The following QTMAN variants were observed in gnomAD, a reference collection of about 807,000 sequenced individuals.
QTMAN encodes queuosine-tRNA mannosyltransferase, also known as tRNA-queuosine alpha-mannosyltransferase.
chr2:144,040,517 C>T, the QTMAN span, among the ~76,000 whole-genome samples: 8 of 152,050 alleles, frequency 5.3e-5, no homozygotes, highest in South Asian at 4.1e-4. Context: ...ACTGTGCACA[C>T]GAAAGGGATC....
the QTMAN span, among the ~76,000 whole-genome samples, chr2:144,189,424 T>C: frequency 6.6e-6 from 1 of 152,188 alleles, no homozygotes; most frequent in Non-Finnish European, 1.5e-5. Context: ...ATCTGTAAGA[T>C]GGAAGAATAA....
At chr2:144,040,263 C>T in the QTMAN span, among the ~76,000 whole-genome samples, 12 of 152,084 alleles carry the variant, frequency 7.9e-5, no homozygotes, top group Non-Finnish European at 2.9e-5. Context: ...ATCTCTACCA[C>T]GCTTAGCATA....
the QTMAN span, among the ~76,000 whole-genome samples, chr2:144,057,421 C>T: frequency 6.6e-6 from 1 of 152,194 alleles, no homozygotes; most frequent in East Asian, 1.9e-4. Flanking sequence ...AAGGTGAAGA[C>T]ATGCAATTCT....
chr2:144,290,103 CTTTTA>C, the QTMAN span, among the ~76,000 whole-genome samples: 1 of 151,888 alleles, frequency 6.6e-6, no homozygotes, highest in Non-Finnish European at 1.5e-5. Flanking sequence ...CTTCCGTTTT[CTTTTA>C]TGTTACTTTT....
chr2:143,969,677 CT>C, the QTMAN span, among the ~76,000 whole-genome samples: 1 of 152,166 alleles, frequency 6.6e-6, no homozygotes, highest in Non-Finnish European at 1.5e-5. Context: ...GAAAATGCCC[CT>C]GAGCTGAGAT....
chr2:144,134,954 C>T, the QTMAN span, among the ~76,000 whole-genome samples: 29 of 152,016 alleles, frequency 1.9e-4, no homozygotes, highest in African/African-American at 6.5e-4. Context: ...AGAAAGCAGA[C>T]AATTGATAAA....
the QTMAN span, among the ~76,000 whole-genome samples, chr2:144,268,839 G>C: frequency 6.6e-6 from 1 of 151,898 alleles, no homozygotes; most frequent in African/African-American, 2.4e-5. Flanking sequence ...ACCCAGGCTG[G>C]AGTGCAATGG....
At chr2:144,286,944 C>A in the QTMAN span, among the ~76,000 whole-genome samples, 363 of 152,292 alleles carry the variant, frequency 2.4e-3, 11 homozygotes, top group East Asian at 0.064. Context: ...GTGACAAATT[C>A]TCCTTTTTCA....
chr2:144,292,920 C>T, the QTMAN span, among the ~76,000 whole-genome samples: 1 of 152,078 alleles, frequency 6.6e-6, no homozygotes, highest in Non-Finnish European at 1.5e-5. Flanking sequence ...TTCAGAAACA[C>T]TCAAACATAA....
At chr2:144,119,989 T>C in the QTMAN span, among the ~76,000 whole-genome samples, 1 of 152,216 alleles carries the variant, frequency 6.6e-6, no homozygotes, top group East Asian at 1.9e-4. Flanking sequence ...GTGACAAAGT[T>C]ACTGTTATTA....
the QTMAN span, among the ~76,000 whole-genome samples, chr2:143,965,958 T>C: frequency 6.6e-6 from 1 of 152,238 alleles, no homozygotes; most frequent in African/African-American, 2.4e-5. Flanking sequence ...AATGAAATAG[T>C]TGTCCCTTAT....
the QTMAN span, among the ~76,000 whole-genome samples, chr2:144,126,303 C>T: frequency 6.0e-5 from 9 of 151,260 alleles, no homozygotes; most frequent in Admixed American, 5.9e-4. Flanking sequence ...AAAACAATAA[C>T]AACAAGAAAC....
chr2:144,219,899 C>G, the QTMAN span, among the ~76,000 whole-genome samples: 1 of 152,174 alleles, frequency 6.6e-6, no homozygotes, highest in Non-Finnish European at 1.5e-5. Flanking sequence ...CTCCAACATT[C>G]TACATGAATA....
chr2:144,259,116 T>A, the QTMAN span, among the ~76,000 whole-genome samples: 1 of 152,134 alleles, frequency 6.6e-6, no homozygotes. Flanking sequence ...TTTCCAATAG[T>A]CTCTGAATGT....
chr2:144,282,183 T>C, the QTMAN span, among the ~76,000 whole-genome samples: 1 of 152,160 alleles, frequency 6.6e-6, no homozygotes, highest in Non-Finnish European at 1.5e-5. Flanking sequence ...AGCATTCTCA[T>C]TTTGTACTGG....
At chr2:143,989,595 C>G in the QTMAN span, among the ~76,000 whole-genome samples, 1 of 152,112 alleles carries the variant, frequency 6.6e-6, no homozygotes, top group Non-Finnish European at 1.5e-5. Context: ...ACGCACTGAG[C>G]TGGGGAAGAA....
the QTMAN span, among the ~76,000 whole-genome samples, chr2:144,308,231 A>G: frequency 6.6e-6 from 1 of 150,458 alleles, no homozygotes; most frequent in Non-Finnish European, 1.5e-5. Flanking sequence ...CAGTGGCACA[A>G]TCTCAGCTCA....
the QTMAN span, among the ~76,000 whole-genome samples, chr2:144,133,182 A>AAATTTAT: frequency 8.0e-5 from 3 of 37,650 alleles, no homozygotes; most frequent in African/African-American, 5.2e-4. Context: ...AAATATATAT[A>AAATTTAT]ATATAAATTT....
the QTMAN span, among the ~76,000 whole-genome samples, chr2:144,129,177 G>C: frequency 1.3e-5 from 2 of 151,814 alleles, no homozygotes; most frequent in Admixed American, 6.6e-5. Flanking sequence ...TAGATGACTT[G>C]GTCTGCTCAA....
Sources: allele counts gnomAD v4.1 joint callset (sites outside exome capture counted in the v4.1 genomes callset), GRCh38; gene constraint gnomAD v4.1.1; transcripts MANE v1.5; gene names NCBI Gene and HGNC (gene_info 2026-07-23, HGNC 2026-07-21).